OSBPL6: variants seen among roughly 807,000 people sequenced by gnomAD.
OSBPL6 encodes oxysterol-binding protein-related protein 6.
OSBPL6 carries 49 observed loss-of-function variants against 125.8 expected under a neutral mutation model. The observed-to-expected ratio is 0.39, with a 90% confidence interval of 0.31 to 0.49. The LOEUF (loss-of-function observed/expected upper bound fraction) is 0.49. OSBPL6 is among the 20% of genes least tolerant of loss of function. The pLI is 0.88. For missense variants in OSBPL6, 986 were observed against 1,135.4 expected, an observed-to-expected ratio of 0.87 and a Z score of 1.89; for synonymous variants, 394 against 391.8, an observed-to-expected ratio of 1.01 and a Z score of -0.07.
chr2:178,196,549 A>G (rs964562417), intron 1 of OSBPL6, among the ~76,000 whole-genome samples: 1 of 152,146 alleles, frequency 6.6e-6, no homozygotes, highest in Non-Finnish European at 1.5e-5. Context: ...TCACATATGT[A>G]AGTTTTCTTA....
chr2:178,268,937 A>C (rs1332915242), intron 1 of OSBPL6, among the ~76,000 whole-genome samples: 1 of 152,102 alleles, frequency 6.6e-6, no homozygotes, highest in Non-Finnish European at 1.5e-5. Flanking sequence ...CATTGTCCTA[A>C]GATGGCCTCC....
At chr2:178,224,326 G>C (rs2090462901) in intron 1 of OSBPL6, among the ~76,000 whole-genome samples, 1 of 152,034 alleles carries the variant, frequency 6.6e-6, no homozygotes, top group African/African-American at 2.4e-5. Context: ...AGTACACCAA[G>C]AATGCAGATT....
intron 13 of OSBPL6, among the ~76,000 whole-genome samples, chr2:178,362,431 C>T (rs993467002): frequency 1.3e-5 from 2 of 152,074 alleles, no homozygotes; most frequent in Non-Finnish European, 2.9e-5. Flanking sequence ...GATAAAAATC[C>T]TTTAGAGCTG....
At chr2:178,268,536 C>T (rs888019854) in intron 1 of OSBPL6, among the ~76,000 whole-genome samples, 3 of 152,152 alleles carry the variant, frequency 2.0e-5, no homozygotes, top group African/African-American at 4.8e-5. Flanking sequence ...GTCATGACTT[C>T]TTCAGTCCAT....
chr2:178,215,026 A>C (rs911462905), intron 1 of OSBPL6, among the ~76,000 whole-genome samples: 3 of 152,100 alleles, frequency 2.0e-5, no homozygotes, highest in African/African-American at 7.2e-5. Flanking sequence ...CTTGTAACAA[A>C]GTTGACACAT....
chr2:178,265,034 A>ATT (rs796468758), intron 1 of OSBPL6, among the ~76,000 whole-genome samples: 7 of 142,342 alleles, frequency 4.9e-5, no homozygotes, highest in African/African-American at 1.6e-4. Context: ...GTACTGGCTG[A>ATT]TTTTTTTTTT....
rs1034261872 is a variant in OSBPL6 at position 178,394,161 on chromosome 2, T to G, written c.2574-152T>G. 8 of 890,138 alleles carry G rather than the reference T, an allele frequency of 9.0e-6. No homozygotes were observed. The African/African-American group carries it at 1.4e-4, about 15-fold the overall frequency. The allele number at this position is 890,138 out of a possible 1,614,324, so 55.1% of individuals were successfully genotyped here. A position where few individuals can be genotyped will look rare whatever the true frequency, so the allele number is the denominator to read the frequency against. On this transcript the variant is annotated intron_variant, in intron 23 of 24. Transcript: ENST00000190611. ...TTGCAGTGAGCTGAGATCACACCAC[T>G]GCACTCCAGCCTGGCGACAGAGCAA...
intron 1 of OSBPL6, among the ~76,000 whole-genome samples, chr2:178,202,994 T>G (rs554018470): frequency 2.8e-4 from 42 of 152,334 alleles, no homozygotes; most frequent in African/African-American, 9.9e-4. Flanking sequence ...AAGTTTCTGC[T>G]ATTATTTCTT....
At chr2:178,360,406 T>A (rs904239133) in intron 12 of OSBPL6, among the ~76,000 whole-genome samples, 2 of 152,208 alleles carry the variant, frequency 1.3e-5, no homozygotes, top group Non-Finnish European at 2.9e-5. Flanking sequence ...ACGATGGATA[T>A]GTTAATTTGT....
intron 1 of OSBPL6, among the ~76,000 whole-genome samples, chr2:178,275,875 T>C (rs910521186): frequency 1.3e-5 from 2 of 152,176 alleles, no homozygotes; most frequent in African/African-American, 2.4e-5. Context: ...TGCTTAATCC[T>C]CAGGCAATTC....
At chr2:178,251,871 A>G (rs1047171754) in intron 1 of OSBPL6, among the ~76,000 whole-genome samples, 1 of 152,162 alleles carries the variant, frequency 6.6e-6, no homozygotes, top group Non-Finnish European at 1.5e-5. Context: ...TCATTGTGTA[A>G]TTTTCCCTTT....
rs1486004757 is a variant in OSBPL6, at chr2:178,328,346, A to G, written c.286A>G (p.Lys96Glu). Residue 96 changes from lysine to glutamate, a missense_variant, in exon 5 of 25, where the codon AAA becomes GAA. Coordinates refer to ENST00000190611, the MANE Select transcript of OSBPL6 (RefSeq NM_032523.4). ...CAAACATGAGGGCTTTATGCTGAAGAAAAGAAAATGGCCTTTAAAAGGCTG... is the reference window on the plus strand; with the variant it reads ...CAAACATGAGGGCTTTATGCTGAAGGAAAGAAAATGGCCTTTAAAAGGCTG... ...PDKHEGFMLK[K>E]RKWPLKGWHK... is the part of the protein sequence containing the mutation. 1 of 1,613,906 alleles carries G rather than the reference A, an allele frequency of 6.2e-7. No homozygotes were observed. The highest frequency in any genetic ancestry group is 1.1e-5 in the South Asian group (1 of 91,070).
At chr2:178,351,733 G>C (rs776907219) in intron 12 of OSBPL6, among the ~76,000 whole-genome samples, 1 of 152,138 alleles carries the variant, frequency 6.6e-6, no homozygotes, top group Non-Finnish European at 1.5e-5. Context: ...GCAAACTGAC[G>C]CAGGAACAGA....
chr2:178,269,972 A>G (rs1220402650), intron 1 of OSBPL6, among the ~76,000 whole-genome samples: 1 of 152,214 alleles, frequency 6.6e-6, no homozygotes, highest in Non-Finnish European at 1.5e-5. Flanking sequence ...CTCTTGCTTT[A>G]CTACTGCTGC....
chr2:178,217,074 T>C (rs1393305714), intron 1 of OSBPL6, among the ~76,000 whole-genome samples: 1 of 152,234 alleles, frequency 6.6e-6, no homozygotes, highest in African/African-American at 2.4e-5. Flanking sequence ...GCTAGTCAGA[T>C]GATTATTATA....
intron 2 of OSBPL6, among the ~76,000 whole-genome samples, chr2:178,299,121 ATCTT>A (rs1442335658): frequency 6.6e-6 from 1 of 152,192 alleles, no homozygotes; most frequent in African/African-American, 2.4e-5. Flanking sequence ...ACATTATCTA[ATCTT>A]TCTTTCAAAA....
intron 1 of OSBPL6, among the ~76,000 whole-genome samples, chr2:178,254,282 A>G (rs2091804343): frequency 2.0e-5 from 3 of 151,830 alleles, no homozygotes; most frequent in African/African-American, 7.3e-5. Flanking sequence ...AATCCCAGCT[A>G]CTCAGGAGGC....
intron 1 of OSBPL6, among the ~76,000 whole-genome samples, chr2:178,201,497 C>G (rs2089256515): frequency 1.3e-5 from 2 of 152,164 alleles, no homozygotes; most frequent in Admixed American, 6.5e-5. Flanking sequence ...GCCTCAGCCC[C>G]CTGAGTGCCT....
At chr2:178,361,339 G>A (rs1692335493) in intron 12 of OSBPL6, among the ~76,000 whole-genome samples, 1 of 152,126 alleles carries the variant, frequency 6.6e-6, no homozygotes, top group Admixed American at 6.5e-5. Flanking sequence ...AATCAAATAT[G>A]GCAAGTAAAC....
Sources: gnomAD v4.1 joint callset for allele counts (sites outside exome capture counted in the v4.1 genomes callset) on GRCh38, gnomAD v4.1.1 for gene constraint, MANE v1.5 for transcripts, NCBI Gene and HGNC (gene_info 2026-07-23, HGNC 2026-07-21) for gene names.